DISP1: variants seen among roughly 807,000 people sequenced by gnomAD.
The protein encoded by DISP1 is dispatched RND transporter family member 1, also known as protein dispatched homolog 1.
DISP1 carries 30 observed loss-of-function variants against 37.3 expected under a neutral mutation model. That is an observed-to-expected ratio of 0.80 (90% CI 0.60 to 1.09). DISP1 has a LOEUF of 1.09. Ranked by LOEUF, DISP1 falls within the 50% of genes least tolerant of loss-of-function variation. The pLI, the probability that DISP1 is intolerant of heterozygous loss-of-function variation, is 0.00. For synonymous variants in DISP1, 634 were observed against 690.2 expected, an observed-to-expected ratio of 0.92 and a Z score of 1.28; for missense variants, 1,598 against 1,879.5, an observed-to-expected ratio of 0.85 and a Z score of 2.77.
At position 222,845,569 on chromosome 1, in the gene DISP1, A is replaced by G. The variant is rs554319374; in HGVS notation, c.-159+30491A>G. ...AGATTTGCAATGCAGTTTCATTAGC[A>G]CAATAAATATTTCTTAATGCTGTGC... On this transcript the variant is annotated intron_variant, in intron 1 of 8. Transcript: ENST00000675850. Among the ~76,000 whole-genome samples the G allele has an allele frequency of 7.9e-5, 12 of 152,308 alleles. No individual in the cohort carries two copies. The East Asian group carries it at 2.1e-3, about 27-fold the overall frequency.
chr1:222,951,966 A>C (rs181604821), intron 3 of DISP1, among the ~76,000 whole-genome samples: 6 of 152,334 alleles, frequency 3.9e-5, no homozygotes, highest in Admixed American at 3.9e-4. Context: ...ATAAATTTTT[A>C]TGTATAAAGT....
At chr1:222,887,429 A>G (rs1201474161) in intron 1 of DISP1, among the ~76,000 whole-genome samples, 1 of 149,734 alleles carries the variant, frequency 6.7e-6, no homozygotes, top group Non-Finnish European at 1.5e-5. Context: ...TATTTATGTT[A>G]GTTTTAAACA....
At chr1:222,900,133 A>T (rs1671500011) in intron 1 of DISP1, among the ~76,000 whole-genome samples, 1 of 152,218 alleles carries the variant, frequency 6.6e-6, no homozygotes, top group Non-Finnish European at 1.5e-5. Flanking sequence ...ATATTTCCTT[A>T]TTAACATTAA....
rs970333368 is a variant in DISP1 at position 223,002,998 on chromosome 1, C to A, written c.1601C>A (p.Ala534Glu). 14 of 1,613,826 alleles carry A rather than the reference C, an allele frequency of 8.7e-6. No homozygotes were observed. Among genetic ancestry groups the A allele is most frequent in the Non-Finnish European group, 1.1e-5 (13 of 1,180,002 alleles). ...SMFITLMTMF[A>E]IISSLIVSYF... ...TTTATCACTCTGATGACAATGTTTG[C>A]AATAATCAGTTCTTTGATTGTTTCC... Residue 534 changes from alanine (A) to glutamate (E), a missense_variant, in exon 9 of 9, where the codon GCA (alanine) becomes GAA (glutamate). Transcript: ENST00000675850.
chr1:222,943,407 T>G, intron 3 of DISP1, 75 bp downstream of exon 3: 2 of 1,596,606 alleles, frequency 1.3e-6, no homozygotes, highest in Non-Finnish European at 1.7e-6. Flanking sequence ...TTTATTTTCC[T>G]GAAAGGAGAG....
intron 1 of DISP1, among the ~76,000 whole-genome samples, chr1:222,815,576 C>A (rs1437361034): frequency 1.3e-5 from 2 of 152,138 alleles, no homozygotes; most frequent in Non-Finnish European, 2.9e-5. Flanking sequence ...GGATGCTGAA[C>A]TCCTATTGCT....
chr1:222,917,163 A>G (rs947663268), intron 1 of DISP1, among the ~76,000 whole-genome samples: 16 of 152,250 alleles, frequency 1.1e-4, no homozygotes, highest in Non-Finnish European at 1.9e-4. Flanking sequence ...GCTCACTAGA[A>G]GCAAGGAGCT....
At chr1:222,925,217 T>C (rs1673015812) in intron 1 of DISP1, among the ~76,000 whole-genome samples, 2 of 152,152 alleles carry the variant, frequency 1.3e-5, no homozygotes, top group South Asian at 2.1e-4. Context: ...GTAATTTTGA[T>C]AAAAATATAA....
intron 3 of DISP1, among the ~76,000 whole-genome samples, chr1:222,958,371 C>A (rs1389540090): frequency 2.6e-5 from 4 of 152,086 alleles, no homozygotes; most frequent in Non-Finnish European, 5.9e-5. Context: ...TAAAAGACAG[C>A]AAAGAAAATT....
intron 1 of DISP1, among the ~76,000 whole-genome samples, chr1:222,833,119 T>C (rs1286745059): frequency 6.6e-6 from 1 of 152,084 alleles, no homozygotes; most frequent in African/African-American, 2.4e-5. Context: ...TTGCTGCTGA[T>C]GTTTAAATCA....
intron 1 of DISP1, among the ~76,000 whole-genome samples, chr1:222,855,902 C>CAA (rs35483623): frequency 0.024 from 3,262 of 138,266 alleles, 84 homozygotes; most frequent in African/African-American, 0.062. Context: ...TCTCCAGTTT[C>CAA]AAAAAAAAAA....
chr1:222,819,794 G>A (rs1404216437), intron 1 of DISP1, among the ~76,000 whole-genome samples: 4 of 152,054 alleles, frequency 2.6e-5, no homozygotes, highest in Non-Finnish European at 5.9e-5. Flanking sequence ...ACCTGTCTCA[G>A]CCTCCCAAAG....
chr1:222,828,176 G>C (rs569009454), intron 1 of DISP1, among the ~76,000 whole-genome samples: 6 of 152,294 alleles, frequency 3.9e-5, no homozygotes, highest in African/African-American at 1.2e-4. Context: ...AGAAATATAT[G>C]CAGAATTGTG....
At chr1:222,985,912 C>G (rs989168892) in intron 4 of DISP1, among the ~76,000 whole-genome samples, 1 of 151,960 alleles carries the variant, frequency 6.6e-6, no homozygotes, top group Non-Finnish European at 1.5e-5. Context: ...ACTCTTCTCA[C>G]TAAGTTGATA....
At chr1:222,940,958 T>A (rs766532185) in intron 2 of DISP1, among the ~76,000 whole-genome samples, 4 of 152,232 alleles carry the variant, frequency 2.6e-5, no homozygotes, top group Non-Finnish European at 5.9e-5. Flanking sequence ...TCAATTAGCT[T>A]TTTTAAAAAA....
Position 223,004,614 on chromosome 1 carries a change from ATCT to A in DISP1, c.3221_3223del (p.Phe1074del), listed in dbSNP as rs530393796. 2.1e-5 allele frequency: 34 copies of A among 1,613,870 alleles called. No homozygotes were observed. The highest frequency in any genetic ancestry group is 2.7e-5 in the Non-Finnish European group (32 of 1,179,888). On this transcript the variant is annotated inframe_deletion, in exon 9 of 9. Coordinates refer to ENST00000675850, the MANE Select transcript of DISP1 (RefSeq NM_001377229.1). The surrounding 1 kb of genome is among the most constrained non-coding windows in gnomAD (Gnocchi z 4.9). The stretch of plus-strand genomic sequence containing the variant: ...AGATCCCGACCGAGAAGGCAAAGTG[ATCT>A]TCTCTCTGAGTCGCGTGGGCTCTGC...
intron 1 of DISP1, among the ~76,000 whole-genome samples, chr1:222,921,005 AT>A (rs1672779445): frequency 6.6e-6 from 1 of 152,164 alleles, no homozygotes; most frequent in South Asian, 2.1e-4. Context: ...CAGAAATCAT[AT>A]TTGCTACTAT....
chr1:222,873,888 G>T (rs1669770174), intron 1 of DISP1, among the ~76,000 whole-genome samples: 1 of 152,030 alleles, frequency 6.6e-6, no homozygotes, highest in East Asian at 1.9e-4. Context: ...TTACAATTTG[G>T]CATGTTTTTG....
At chr1:222,878,075 C>G (rs17163535) in intron 1 of DISP1, among the ~76,000 whole-genome samples, 11,976 of 152,210 alleles carry the variant, frequency 0.079, 561 homozygotes, top group East Asian at 0.24. Context: ...CCATTGGAAG[C>G]CACTGACTAT....
Sources: allele counts gnomAD v4.1 joint callset (sites outside exome capture counted in the v4.1 genomes callset), GRCh38; gene constraint gnomAD v4.1.1; non-coding constraint Gnocchi (gnomAD v3.1); transcripts MANE v1.5; gene names NCBI Gene and HGNC (gene_info 2026-07-23, HGNC 2026-07-21).